The following GALNT13 variants were observed in gnomAD, a reference collection of about 807,000 sequenced individuals.
GALNT13 encodes polypeptide N-acetylgalactosaminyltransferase 13.
Under a neutral mutation model 64.2 loss-of-function variants are expected in GALNT13, and 28 were observed. The ratio of observed to expected loss-of-function variants is 0.44; its 90% CI spans 0.32 to 0.60. The LOEUF (loss-of-function observed/expected upper bound fraction) is 0.60, where lower values mean the gene tolerates loss of function less well. Ranked by LOEUF, GALNT13 falls within the 20% of genes least tolerant of loss-of-function variation. The pLI, the probability that GALNT13 is intolerant of heterozygous loss-of-function variation, is 0.05. For missense variants in GALNT13, 577 were observed against 669.8 expected (o/e 0.86, Z 1.53); for synonymous variants, 214 against 224.6 (o/e 0.95, Z 0.42).
chr2:154,411,184 T>C (rs1559140271), intron 11 of GALNT13, among the ~76,000 whole-genome samples: 1 of 151,872 alleles, frequency 6.6e-6, no homozygotes, highest in Non-Finnish European at 1.5e-5. Context: ...CAGGGATTCA[T>C]AAAGAAAGTG....
the GALNT13 span, chr2:153,478,038 C>T: frequency 1.7e-5 from 10 of 590,330 alleles, 1 homozygote; most frequent in South Asian, 6.3e-5. Context: ...AGAGTCTGGG[C>T]GCTCTCCTCC....
At chr2:153,805,360 G>T in the GALNT13 span, among the ~76,000 whole-genome samples, 5 of 152,008 alleles carry the variant, frequency 3.3e-5, no homozygotes, top group Admixed American at 3.3e-4. Flanking sequence ...AAATACTAAA[G>T]AAATTAAAAT....
At chr2:154,146,944 C>T (rs969456433) in intron 4 of GALNT13, among the ~76,000 whole-genome samples, 9 of 152,082 alleles carry the variant, frequency 5.9e-5, no homozygotes, top group Middle Eastern at 6.8e-3. Context: ...TGAAGGTCTC[C>T]GTTCATGTGA....
At chr2:154,156,428 T>C (rs1162533665) in intron 4 of GALNT13, among the ~76,000 whole-genome samples, 4 of 152,120 alleles carry the variant, frequency 2.6e-5, no homozygotes, top group Non-Finnish European at 4.4e-5. Context: ...TTTAAACACA[T>C]GAATTAATAA....
chr2:153,237,446 G>A, the GALNT13 span, among the ~76,000 whole-genome samples: 1 of 151,464 alleles, frequency 6.6e-6, no homozygotes, highest in Admixed American at 6.6e-5. Context: ...CATTCCACCT[G>A]ACTATATTTT....
intron 3 of GALNT13, among the ~76,000 whole-genome samples, chr2:154,070,116 C>T (rs544133604): frequency 2.2e-4 from 34 of 151,832 alleles, no homozygotes; most frequent in African/African-American, 7.5e-4. Context: ...GATATGTGGC[C>T]CTAGATTTAA....
chr2:153,945,469 CA>C (rs1691660977), intron 3 of GALNT13, among the ~76,000 whole-genome samples: 1 of 151,954 alleles, frequency 6.6e-6, no homozygotes, highest in Non-Finnish European at 1.5e-5. Flanking sequence ...CTCTGTTTGG[CA>C]AAAGTTTTCT....
chr2:153,365,466 C>T, the GALNT13 span, among the ~76,000 whole-genome samples: 5 of 151,812 alleles, frequency 3.3e-5, no homozygotes, highest in African/African-American at 4.8e-5. Context: ...CCTACAGAGT[C>T]GGAGAAAATT....
intron 9 of GALNT13, among the ~76,000 whole-genome samples, chr2:154,308,184 A>G (rs1039674483): frequency 1.3e-5 from 2 of 152,122 alleles, no homozygotes; most frequent in African/African-American, 2.4e-5. Flanking sequence ...TTTCTTTGGC[A>G]ATATTGTAGT....
At chr2:153,841,492 GTCA>G in the GALNT13 span, among the ~76,000 whole-genome samples, 3 of 152,104 alleles carry the variant, frequency 2.0e-5, no homozygotes, top group South Asian at 4.2e-4. Context: ...AACATACACA[GTCA>G]TCATAATATA....
chr2:154,019,491 G>A (rs1240591446), intron 3 of GALNT13, among the ~76,000 whole-genome samples: 2 of 151,538 alleles, frequency 1.3e-5, no homozygotes, highest in Admixed American at 1.3e-4. Context: ...AAAATTAGCT[G>A]GGTGTGGTGA....
chr2:153,615,859 T>A, the GALNT13 span, among the ~76,000 whole-genome samples: 1 of 152,108 alleles, frequency 6.6e-6, no homozygotes, highest in Non-Finnish European at 1.5e-5. Flanking sequence ...GTGACCAGTT[T>A]GCAAATATTT....
At chr2:153,705,411 GTGA>G in the GALNT13 span, among the ~76,000 whole-genome samples, 1 of 149,742 alleles carries the variant, frequency 6.7e-6, no homozygotes, top group Non-Finnish European at 1.5e-5. Context: ...AAAAAAAAAA[GTGA>G]TGAAACTATT....
the GALNT13 span, among the ~76,000 whole-genome samples, chr2:153,192,753 C>G: frequency 1.3e-5 from 2 of 151,856 alleles, no homozygotes; most frequent in African/African-American, 4.8e-5. Flanking sequence ...TTATGACCTT[C>G]TTTGTCTCTT....
chr2:153,188,222 T>C, the GALNT13 span, among the ~76,000 whole-genome samples: 2 of 152,066 alleles, frequency 1.3e-5, no homozygotes, highest in African/African-American at 4.8e-5. Flanking sequence ...AAATGTAATA[T>C]ATAATATTTT....
the GALNT13 span, among the ~76,000 whole-genome samples, chr2:153,198,235 C>T: frequency 6.6e-6 from 1 of 152,128 alleles, no homozygotes; most frequent in Non-Finnish European, 1.5e-5. Flanking sequence ...TGGGACCCAG[C>T]ATGAGTTCCC....
chr2:153,409,287 T>C, the GALNT13 span, among the ~76,000 whole-genome samples: 1 of 129,886 alleles, frequency 7.7e-6, no homozygotes, highest in South Asian at 2.7e-4. Flanking sequence ...TATATATATA[T>C]GAATATGTAT....
chr2:153,209,767 A>G, the GALNT13 span, among the ~76,000 whole-genome samples: 1 of 152,118 alleles, frequency 6.6e-6, no homozygotes, highest in Non-Finnish European at 1.5e-5. Flanking sequence ...GAATTAACTA[A>G]CACCTTATTG....
At chr2:154,260,820 A>G (rs1013546461) in intron 8 of GALNT13, among the ~76,000 whole-genome samples, 1 of 152,168 alleles carries the variant, frequency 6.6e-6, no homozygotes, top group Non-Finnish European at 1.5e-5. Flanking sequence ...TCATTAACTG[A>G]TATTCTTCGG....
Sources: allele counts gnomAD v4.1 joint callset (sites outside exome capture counted in the v4.1 genomes callset), GRCh38; gene constraint gnomAD v4.1.1; transcripts MANE v1.5; gene names NCBI Gene and HGNC (gene_info 2026-07-23, HGNC 2026-07-21).